DYDC2: variants seen among roughly 807,000 people sequenced by gnomAD.
DYDC2 encodes the protein DPY30 domain-containing protein 2.
In DYDC2, 19 loss-of-function variants were observed where a neutral mutation model predicts 18.7. The ratio of observed to expected loss-of-function variants is 1.02; its 90% confidence interval spans 0.71 to 1.49. The LOEUF is 1.49. Ranked by LOEUF, DYDC2 falls within the 40% of genes most tolerant of loss-of-function variation. The pLI is 0.00. For synonymous variants in DYDC2, 63 were observed against 67.6 expected, an observed-to-expected ratio of 0.93 and a Z score of 0.34; for missense variants, 179 against 205.1, an observed-to-expected ratio of 0.87 and a Z score of 0.78.
chr10:80,360,291 C>T (rs1330447155), intron 2 of DYDC2, among the ~76,000 whole-genome samples: 1 of 152,150 alleles, frequency 6.6e-6, no homozygotes, highest in Non-Finnish European at 1.5e-5. Context: ...GGGCAGGTTC[C>T]TCAGGAGGCT....
chr10:80,366,364 C>T (rs972228647), intron 4 of DYDC2, among the ~76,000 whole-genome samples: 3 of 152,152 alleles, frequency 2.0e-5, no homozygotes, highest in Non-Finnish European at 4.4e-5. Context: ...AATACTTTTC[C>T]TCTAGATTAT....
intron 1 of DYDC2, among the ~76,000 whole-genome samples, chr10:80,347,273 A>T (rs7087636): frequency 0.81 from 86,990 of 107,976 alleles, 34,327 homozygotes; most frequent in East Asian, 0.96. Context: ...TTTAATTGGG[A>T]TCCTTTTTTT....
At chr10:80,352,741 G>T, upstream of DYDC2, 1 of 1,164,446 alleles carries the variant, frequency 8.6e-7, no homozygotes, top group Non-Finnish European at 1.1e-6. Flanking sequence ...CATTGGGGGT[G>T]TCACAAGCAA....
intron 1 of DYDC2, among the ~76,000 whole-genome samples, chr10:80,357,234 G>A (rs1488713940): frequency 1.1e-4 from 16 of 151,368 alleles, no homozygotes; most frequent in African/African-American, 2.9e-4. Context: ...GCTCCAGGGG[G>A]CGGGGTCCAG....
chr10:80,356,109 G>C (rs562744545), upstream of DYDC2, among the ~76,000 whole-genome samples: 1 of 152,222 alleles, frequency 6.6e-6, no homozygotes, highest in Non-Finnish European at 1.5e-5. Flanking sequence ...AGCGGGGCCA[G>C]GTCAGGGGAG....
In DYDC2 at chr10:80,367,191, C is replaced by G; in HGVS notation, c.*240C>G. ...CTGTGACTTTTTCCTCTTGTTTTAT[C>G]AACGTTTTGGAGACTACACAATGAA... On this transcript the variant is annotated 3_prime_UTR_variant, in exon 5 of 5. Transcript: ENST00000256039. The G allele has an allele frequency of 1.3e-5, 6 of 461,142 alleles. No individual in the cohort carries two copies. The highest frequency in any genetic ancestry group is 4.1e-5 in the Admixed American group (1 of 24,664). The allele number at this position is 461,142 out of a possible 1,614,324, so 28.6% of individuals were successfully genotyped here.
In DYDC2 at chr10:80,366,826, C is replaced by T. The variant is rs866702780; in HGVS notation, c.409C>T (p.Pro137Ser). The change falls in exon 5 of 5, where the codon CCT (proline) becomes TCT (serine). Residue 137 changes from proline to serine, a missense_variant. Pro to Ser is a moderately conservative substitution (Grantham distance 74). Coordinates refer to ENST00000256039, the MANE Select transcript of DYDC2 (RefSeq NM_032372.6). Reference protein sequence around the residue: ...SLIPGMPQQVPPSESAGQIDQ... With the variant: ...SLIPGMPQQVSPSESAGQIDQ... ...GATTCCAGGAATGCCTCAACAGGTT[C>T]CTCCTTCAGAGTCTGCTGGCCAGAT... The T allele has an allele frequency of 6.2e-7, 1 of 1,614,210 alleles. No homozygotes were observed. The highest frequency in any genetic ancestry group is 8.5e-7 in the Non-Finnish European group (1 of 1,180,040).
In DYDC2 at chr10:80,351,035, T is replaced by A. The variant is rs567585052; in HGVS notation, c.-309-5262T>A. Among the ~76,000 whole-genome samples the A allele has an allele frequency of 3.9e-5, 6 of 152,306 alleles. No individual in the cohort carries two copies. The South Asian group carries it at 1.2e-3, about 32-fold the overall frequency. On this transcript the variant is annotated intron_variant, in intron 1 of 4. Transcript: ENST00000372197. ...ATCAAATGGCACGATTATCAGTACTTGATCTTCAACTGCTACCAAGTAATG... is the reference window on the plus strand; with the variant it reads ...ATCAAATGGCACGATTATCAGTACTAGATCTTCAACTGCTACCAAGTAATG...
chr10:80,358,767 G>T (rs1645529596), intron 2 of DYDC2, among the ~76,000 whole-genome samples: 1 of 152,200 alleles, frequency 6.6e-6, no homozygotes, highest in African/African-American at 2.4e-5. Context: ...TCCAGAATTG[G>T]TGGGTTCTTG....
intron 2 of DYDC2, among the ~76,000 whole-genome samples, chr10:80,359,589 C>T (rs913194326): frequency 4.6e-5 from 7 of 152,168 alleles, no homozygotes; most frequent in Admixed American, 2.6e-4. Context: ...CAGGAGCCCA[C>T]GGTGCGGGGG....
chr10:80,352,623 T>C (rs764919981), upstream of DYDC2: 2 of 1,592,566 alleles, frequency 1.3e-6, no homozygotes, highest in Non-Finnish European at 1.7e-6. Context: ...AAAAAGTAAG[T>C]GTTTTTGCAT....
chr10:80,367,008 T>C lies in DYDC2; in HGVS notation c.*57T>C. 1 of 1,548,342 alleles carries C rather than the reference T, an allele frequency of 6.5e-7. No homozygotes were observed. Among genetic ancestry groups the C allele is most frequent in the Non-Finnish European group, 8.7e-7 (1 of 1,152,546 alleles). On this transcript the variant is annotated 3_prime_UTR_variant, in exon 5 of 5. Coordinates refer to ENST00000256039, the MANE Select transcript of DYDC2 (RefSeq NM_032372.6). ...CTCTCAAAGCTAGAAGCCAAGAAAA[T>C]GGCCAGCTAGAACCAAGATTTAAGG...
chr10:80,352,569 C>T, upstream of DYDC2: 2 of 1,611,666 alleles, frequency 1.2e-6, no homozygotes, highest in Non-Finnish European at 1.7e-6. Flanking sequence ...TTAAACAGGC[C>T]CCAAGGTGCT....
rs1378416601 is a variant in DYDC2, at chr10:80,358,002, G to C, written c.-53G>C. 2 of 985,468 alleles carry C rather than the reference G, an allele frequency of 2.0e-6. No homozygotes were observed. The highest frequency in any genetic ancestry group is 2.4e-6 in the Non-Finnish European group (2 of 830,096). The allele number at this position is 985,468 out of a possible 1,614,324, so 61.0% of individuals were successfully genotyped here. A position where few individuals can be genotyped will look rare whatever the true frequency, so the allele number is the denominator to read the frequency against. On this transcript the variant is annotated 5_prime_UTR_variant, in exon 2 of 5. Transcript: ENST00000256039. Reference sequence around the variant, plus strand: ...CAGGAACTGTGTAAGCAGACCCTCAGAGGAGCTCTGGGAAACACTGAAAAA... The same window carrying C: ...CAGGAACTGTGTAAGCAGACCCTCACAGGAGCTCTGGGAAACACTGAAAAA...
upstream of DYDC2, among the ~76,000 whole-genome samples, chr10:80,355,410 A>G (rs781402048): frequency 2.6e-5 from 4 of 152,080 alleles, no homozygotes; most frequent in Non-Finnish European, 5.9e-5. Flanking sequence ...TATAACTCCT[A>G]TGGAGGAGAA....
upstream of DYDC2, among the ~76,000 whole-genome samples, chr10:80,352,220 G>A (rs1046380172): frequency 3.9e-5 from 6 of 152,164 alleles, no homozygotes; most frequent in East Asian, 1.9e-4. Flanking sequence ...GTACATAAAC[G>A]TAAATCTATA....
upstream of DYDC2, among the ~76,000 whole-genome samples, chr10:80,353,256 T>C (rs1227518691): frequency 6.6e-6 from 1 of 151,922 alleles, no homozygotes; most frequent in Non-Finnish European, 1.5e-5. Context: ...TCTTTTCAAG[T>C]TCACCTCCAG....
intron 1 of DYDC2, among the ~76,000 whole-genome samples, chr10:80,346,296 G>C (rs1411484570): frequency 6.6e-6 from 1 of 152,126 alleles, no homozygotes; most frequent in Non-Finnish European, 1.5e-5. Flanking sequence ...ACTGAGAAGA[G>C]GAATTACTGG....
At chr10:80,360,733 T>C (rs184587179) in intron 2 of DYDC2, among the ~76,000 whole-genome samples, 1 of 152,130 alleles carries the variant, frequency 6.6e-6, no homozygotes, top group Admixed American at 6.6e-5. Context: ...ATGCCCTTTA[T>C]AGAATTCTTT....
Sources: gnomAD v4.1 joint callset for allele counts (sites outside exome capture counted in the v4.1 genomes callset) on GRCh38, gnomAD v4.1.1 for gene constraint, MANE v1.5 for transcripts, NCBI Gene and HGNC (gene_info 2026-07-23, HGNC 2026-07-21) for gene names.